The following CRX variants were observed in gnomAD, a reference collection of about 807,000 sequenced individuals.
CRX encodes cone-rod homeobox protein.
Under a neutral mutation model 13.1 loss-of-function variants are expected in CRX, and 5 were observed. The ratio of observed to expected loss-of-function variants is 0.38; its 90% CI spans 0.20 to 0.80. The LOEUF is 0.80. CRX is among the 30% of genes least tolerant of loss of function. CRX has a pLI of 0.43. For missense variants in CRX, 351 were observed against 391.8 expected (o/e 0.90, Z 0.88); for synonymous variants, 179 against 171.1 (o/e 1.05, Z -0.36).
chr19:47,823,995 A>G (rs1967944395), intron 1 of CRX, among the ~76,000 whole-genome samples: 1 of 151,862 alleles, frequency 6.6e-6, no homozygotes, highest in Admixed American at 6.6e-5. Context: ...GTGGCCTTGG[A>G]CCCCTCATGT....
intron 1 of CRX, among the ~76,000 whole-genome samples, chr19:47,828,509 C>T (rs1009930099): frequency 1.1e-4 from 17 of 152,078 alleles, no homozygotes; most frequent in African/African-American, 3.9e-4. Context: ...TTACCAGTCC[C>T]TGAACTCAGG....
At position 47,840,077 on chromosome 19, in the gene CRX, C is replaced by A. The variant is rs1968176550; in HGVS notation, c.*110C>A. 7.6e-7 allele frequency: 1 copy of A among 1,320,540 alleles called. No homozygotes were observed. The highest frequency in any genetic ancestry group is 1.1e-6 in the Non-Finnish European group (1 of 942,370). 81.8% of individuals were successfully genotyped at this position (1,320,540 alleles called of 1,614,324 possible). On this transcript the variant is annotated 3_prime_UTR_variant, in exon 4 of 4. Transcript: ENST00000221996. ...GGCATTCCTGAGAAAGCAACCCGAACCAGCTGTCCTTCTGACAGCTCGGTG... is the reference window on the plus strand; with the variant it reads ...GGCATTCCTGAGAAAGCAACCCGAAACAGCTGTCCTTCTGACAGCTCGGTG...
chr19:47,833,715 G>GT (rs1968082375), intron 1 of CRX, among the ~76,000 whole-genome samples: 2 of 152,198 alleles, frequency 1.3e-5, no homozygotes, highest in Non-Finnish European at 2.9e-5. Context: ...GGGCAAAGAG[G>GT]GACGGTTGGT....
chr19:47,832,787 A>T (rs1045660513), intron 1 of CRX, among the ~76,000 whole-genome samples: 2 of 150,304 alleles, frequency 1.3e-5, no homozygotes, highest in Non-Finnish European at 3.0e-5. Context: ...CGCCTGGCCC[A>T]TAAATGCGAT....
At position 47,840,001 on chromosome 19, in the gene CRX, C is replaced by A; in HGVS notation, c.*34C>A. The A allele has an allele frequency of 6.2e-7, 1 of 1,608,662 alleles. No homozygotes were observed. Among genetic ancestry groups the A allele is most frequent in the Middle Eastern group, 1.7e-4 (1 of 6,058 alleles). On this transcript the variant is annotated 3_prime_UTR_variant, in exon 4 of 4. Transcript: ENST00000221996. ...GTCTCCATCTCTCTCCATCGGGCCT[C>A]GGGACCCTTTCTCTTCTGAATCTGC...
In CRX at chr19:47,839,940, G is replaced by T. The variant is rs1968174829; in HGVS notation, c.873G>T (p.Gln291His). ...NPMDPLDYKDQSAWKFQIL is the reference protein window; with the variant it reads ...NPMDPLDYKDHSAWKFQIL ...TGGACCCTCTGGACTACAAGGATCA[G>T]AGTGCCTGGAAGTTTCAGATCTTGT... The change falls in exon 4 of 4, where the codon CAG becomes CAT. Residue 291 changes from glutamine (Q) to histidine (H), a missense_variant. By Grantham distance (24) the Gln-to-His change is conservative. Coordinates refer to ENST00000221996, the MANE Select transcript of CRX (RefSeq NM_000554.6). The surrounding 1 kb of genome is among the most constrained non-coding windows in gnomAD (Gnocchi z 4.6). 1 of 1,613,894 alleles carries T rather than the reference G, an allele frequency of 6.2e-7. No individual in the cohort carries two copies. The highest frequency in any genetic ancestry group is 1.3e-5 in the African/African-American group (1 of 75,040).
At chr19:47,827,537 CTTTTTTTTT>C (rs71180887) in intron 1 of CRX, among the ~76,000 whole-genome samples, 2 of 90,384 alleles carry the variant, frequency 2.2e-5, no homozygotes, top group Non-Finnish European at 4.2e-5. Context: ...TTTCTGAAGG[CTTTTTTTTT>C]TTTTTTTTTT....
chr19:47,829,424 C>T (rs368720965), intron 1 of CRX, among the ~76,000 whole-genome samples: 9 of 152,110 alleles, frequency 5.9e-5, no homozygotes, highest in East Asian at 1.9e-4. Context: ...CTCTGCCTCC[C>T]GGGTTCAAGT....
chr19:47,839,997 G>A lies in CRX; in HGVS notation c.*30G>A, dbSNP rs1555802066. 1.9e-6 allele frequency: 3 copies of A among 1,609,148 alleles called. No individual in the cohort carries two copies. The highest frequency in any genetic ancestry group is 3.3e-4 in the Middle Eastern group (2 of 6,060). On this transcript the variant is annotated 3_prime_UTR_variant, in exon 4 of 4. Coordinates refer to ENST00000221996, the MANE Select transcript of CRX (RefSeq NM_000554.6). The surrounding 1 kb of genome is among the most constrained non-coding windows in gnomAD (Gnocchi z 4.6). The stretch of plus-strand genomic sequence containing the variant: ...CGCAGTCTCCATCTCTCTCCATCGG[G>A]CCTCGGGACCCTTTCTCTTCTGAAT...
At chr19:47,832,074 C>A (rs1431217540) in intron 1 of CRX, among the ~76,000 whole-genome samples, 1 of 125,486 alleles carries the variant, frequency 8.0e-6, no homozygotes, top group African/African-American at 3.2e-5. Flanking sequence ...TAATGGAGAT[C>A]TTTTAAAATC....
At chr19:47,836,119 G>C (rs775280785) in intron 2 of CRX, 124 bp from the exon 3 acceptor site, 14 of 1,217,034 alleles carry the variant, frequency 1.2e-5, no homozygotes, top group Non-Finnish European at 1.7e-5. Context: ...CAGGGAATGT[G>C]TATTCCATCC....
chr19:47,830,230 G>C (rs1968026900), intron 1 of CRX, among the ~76,000 whole-genome samples: 1 of 149,892 alleles, frequency 6.7e-6, no homozygotes, highest in African/African-American at 2.5e-5. Flanking sequence ...GATCACTTGA[G>C]CCCAGGAGTT....
chr19:47,825,129 A>C (rs1180944168), intron 1 of CRX, among the ~76,000 whole-genome samples: 1 of 150,686 alleles, frequency 6.6e-6, no homozygotes, highest in African/African-American at 2.4e-5. Flanking sequence ...AAGCTGGGAC[A>C]ACACCATGCC....
rs754630141 is a variant in CRX at position 47,834,472 on chromosome 19, A to C, written c.29A>C (p.His10Pro). The C allele has an allele frequency of 6.2e-7, 1 of 1,614,124 alleles. No individual in the cohort carries two copies. The highest frequency in any genetic ancestry group is 8.5e-7 in the Non-Finnish European group (1 of 1,180,012). ...ATGGCGTATATGAACCCGGGGCCCC[A>C]CTATTCTGTCAACGCCTTGGCCCTA... MMAYMNPGP[H>P]YSVNALALSG... The change falls in exon 2 of 4, where the codon CAC (histidine) becomes CCC (proline). Residue 10 changes from histidine to proline, a missense_variant. By Grantham distance (77) the His-to-Pro change is moderately conservative. Around this residue, in one of 3 missense-constraint regions of CRX, gnomAD observed 95 missense variants for 106.7 expected, o/e 0.89. Coordinates refer to ENST00000221996, the MANE Select transcript of CRX (RefSeq NM_000554.6).
chr19:47,839,772 C>T lies in CRX; in HGVS notation c.705C>T (p.Ser235=). The T allele has an allele frequency of 1.2e-6, 2 of 1,614,110 alleles. No individual in the cohort carries two copies. The highest frequency in any genetic ancestry group is 1.7e-6 in the Non-Finnish European group (2 of 1,179,992). The change falls in exon 4 of 4, where the codon AGC becomes AGT. Residue 235 remains serine (S), a synonymous_variant. Transcript: ENST00000221996. This position sits in a 1 kb window ranked among gnomAD's most constrained non-coding sequence, Gnocchi z 4.6. ...CCCAGCTAGGGGGCCCGGCTCTTAG[C>T]CCCCTCTCTGGCCCCTCCGTGGGAC... The part of the protein sequence containing the change: ...MVPQLGGPAL[S]PLSGPSVGPS...
rs776868419 is a variant in CRX, at chr19:47,834,458, G to T, written c.15G>T (p.Met5Ile). The T allele has an allele frequency of 1.9e-6, 3 of 1,614,050 alleles. No homozygotes were observed. The African/African-American group carries it at 4.0e-5, about 22-fold the overall frequency. ...CCCCGAAGATCATGATGGCGTATAT[G>T]AACCCGGGGCCCCACTATTCTGTCA... MMAY[M>I]NPGPHYSVNA... Residue 5 changes from methionine (M) to isoleucine (I), a missense_variant, in exon 2 of 4, where the codon ATG (methionine) becomes ATT (isoleucine). By Grantham distance (10) the Met-to-Ile change is conservative (BLOSUM62 1). Coordinates refer to ENST00000221996, the MANE Select transcript of CRX (RefSeq NM_000554.6).
At position 47,832,105 on chromosome 19, in the gene CRX, G is replaced by GTTTTTT. The variant is rs71180891; in HGVS notation, c.-35-2291_-35-2286dup. Among the ~76,000 whole-genome samples, 19 of 91,920 alleles carry GTTTTTT rather than the reference G, an allele frequency of 2.1e-4. 3 individuals are homozygous for GTTTTTT. The highest frequency in any genetic ancestry group is 2.9e-4 in the Non-Finnish European group (14 of 48,554). The allele number at this position is 91,920 out of a possible 152,430, so 60.3% of individuals were successfully genotyped here. A position where few individuals can be genotyped will look rare whatever the true frequency, so the allele number is the denominator to read the frequency against. ...AAATCAGTTCAGAGAGCAGCCTTAT[G>GTTTTTT]TTTTTTTTTTTTTTTTTTGAGACGG... On this transcript the variant is annotated intron_variant, in intron 1 of 3. Transcript: ENST00000221996.
Position 47,839,438 on chromosome 19 carries a change from C to A in CRX, c.371C>A (p.Ser124Tyr). The change falls in exon 4 of 4, where the codon TCC becomes TAC. Residue 124 changes from serine to tyrosine, a missense_variant. Physicochemically the swap from Ser to Tyr is moderately radical, Grantham distance 144. Coordinates refer to ENST00000221996, the MANE Select transcript of CRX (RefSeq NM_000554.6). The surrounding 1 kb of genome is among the most constrained non-coding windows in gnomAD (Gnocchi z 4.6). ...ARPAKRKAGTSPRPSTDVCPD... is the reference protein window; with the variant it reads ...ARPAKRKAGTYPRPSTDVCPD... ...CCTGCCAAGAGGAAGGCGGGCACGT[C>A]CCCAAGACCCTCCACAGATGTGTGT... 1.2e-6 allele frequency: 2 copies of A among 1,613,972 alleles called. No homozygotes were observed. Among genetic ancestry groups the A allele is most frequent in the Non-Finnish European group, 1.7e-6 (2 of 1,179,920 alleles).
In CRX at chr19:47,823,095, C is replaced by T. The variant is rs76361345; in HGVS notation, c.-36+1085C>T. Among the ~76,000 whole-genome samples the T allele has an allele frequency of 9.7e-3, 1,474 of 152,156 alleles. 17 individuals carry two copies. The highest frequency in any genetic ancestry group is 0.033 in the African/African-American group (1,352 of 41,534). The stretch of plus-strand genomic sequence containing the variant: ...ATGGGTATGAGCCTCTGCGCCCAGC[C>T]GGTCTCCTGCAAAACTCTTGATTGA... On this transcript the variant is annotated intron_variant, in intron 1 of 3. Transcript: ENST00000221996.
Sources: gnomAD v4.1 joint callset for allele counts (sites outside exome capture counted in the v4.1 genomes callset) on GRCh38, gnomAD v4.1.1 for gene constraint, gnomAD v4.1.1 regional missense constraint, Gnocchi (gnomAD v3.1) non-coding constraint, MANE v1.5 for transcripts, NCBI Gene and HGNC (gene_info 2026-07-23, HGNC 2026-07-21) for gene names.